The following PGBD5 variants were observed in gnomAD, a reference collection of about 807,000 sequenced individuals.
PGBD5 encodes the protein piggyBac transposable element derived 5.
PGBD5 carries 14 observed loss-of-function variants against 47.9 expected under a neutral mutation model. The observed-to-expected ratio is 0.29, with a 90% confidence interval of 0.19 to 0.46. PGBD5 has a LOEUF of 0.46. Ranked by LOEUF, PGBD5 falls within the 20% of genes least tolerant of loss-of-function variation. The pLI is 1.00. For missense variants in PGBD5, 635 were observed against 716.0 expected, an observed-to-expected ratio of 0.89 and a Z score of 1.29; for synonymous variants, 316 against 306.3, an observed-to-expected ratio of 1.03 and a Z score of -0.33.
In PGBD5 at chr1:230,401,596, C is replaced by T. The variant is rs563386976; in HGVS notation, c.331+24002G>A. On this transcript the variant is annotated intron_variant, in intron 1 of 6. Transcript: ENST00000391860. ...TCTTTTATGAAATTTTCACTCACCT[C>T]TGACTTCCAGTGGATTAAAGAAACA... Among the ~76,000 whole-genome samples the T allele has an allele frequency of 4.5e-4, 69 of 152,352 alleles. 1 individual carries two copies. The highest frequency in any genetic ancestry group is 1.6e-3 in the African/African-American group (65 of 41,600).
At chr1:230,371,403 G>C (rs1184923490) in intron 1 of PGBD5, among the ~76,000 whole-genome samples, 1 of 152,150 alleles carries the variant, frequency 6.6e-6, no homozygotes, top group Non-Finnish European at 1.5e-5. Context: ...GCCAGTGGAA[G>C]GCAACCAGCT....
intron 1 of PGBD5, among the ~76,000 whole-genome samples, chr1:230,383,891 T>C (rs1462361320): frequency 6.6e-6 from 1 of 151,848 alleles, no homozygotes; most frequent in Admixed American, 6.6e-5. Flanking sequence ...GCAGGGTGAG[T>C]AGAGGAGGAG....
chr1:230,369,319 G>A (rs866140), intron 1 of PGBD5, among the ~76,000 whole-genome samples: 2 of 152,090 alleles, frequency 1.3e-5, no homozygotes, highest in South Asian at 4.1e-4. Flanking sequence ...AATCCACGTG[G>A]AGCCACACCT....
intron 1 of PGBD5, among the ~76,000 whole-genome samples, chr1:230,370,450 A>C (rs1667912009): frequency 6.6e-6 from 1 of 152,190 alleles, no homozygotes; most frequent in Non-Finnish European, 1.5e-5. Context: ...ATGTGTATTT[A>C]TTTTGTAGAA....
intron 1 of PGBD5, among the ~76,000 whole-genome samples, chr1:230,368,432 G>C (rs2102715503): frequency 6.6e-6 from 1 of 152,372 alleles, no homozygotes; most frequent in South Asian, 2.1e-4. Flanking sequence ...GAATCCCTAG[G>C]GAGGGGTTAA....
At chr1:230,418,252 G>A (rs915431250) in intron 1 of PGBD5, among the ~76,000 whole-genome samples, 2 of 152,184 alleles carry the variant, frequency 1.3e-5, no homozygotes, top group Admixed American at 6.5e-5. Flanking sequence ...AACGTTTGTA[G>A]CAACTTTCGG....
rs573926278 is a variant in PGBD5 at position 230,425,553 on chromosome 1, G to A, written c.331+45C>T. 1,015 of 1,205,620 alleles carry A rather than the reference G, an allele frequency of 8.4e-4. 16 individuals are homozygous for A. Among genetic ancestry groups the A allele is most frequent in the Admixed American group, 4.8e-4 (11 of 23,040 alleles). The allele number at this position is 1,205,620 out of a possible 1,614,324, so 74.7% of individuals were successfully genotyped here. On this transcript the variant is annotated intron_variant, in intron 1 of 6. Coordinates refer to ENST00000391860, the MANE Select transcript of PGBD5 (RefSeq NM_001258311.2). The surrounding 1 kb of genome is among the most constrained non-coding windows in gnomAD (Gnocchi z 4.7). ...CAGCACCCACGCCTCCCCCGCGCCC[G>A]GTTCCAGCGCCGCCCCCGACATCCA...
In PGBD5 at chr1:230,354,957, T is replaced by C. The variant is rs760328597; in HGVS notation, c.759+1937A>G. Among the ~76,000 whole-genome samples, 6 of 152,184 alleles carry C rather than the reference T, an allele frequency of 3.9e-5. No homozygotes were observed. In the East Asian group the frequency reaches 1.2e-3, roughly 29 times the overall value. On this transcript the variant is annotated intron_variant, in intron 2 of 6. Transcript: ENST00000391860. The stretch of plus-strand genomic sequence containing the variant: ...GAGAGAGGAGGAAGAGGTGGAAAAG[T>C]GAAGGCAAAAGTAAAGGGGAAAAAG...
Position 230,368,572 on chromosome 1 carries a change from CA to C in PGBD5, c.332-11252del, listed in dbSNP as rs149421120. 3.8e-3 allele frequency among the ~76,000 whole-genome samples: 586 copies of C among 152,358 alleles called. 4 individuals are homozygous for C. Among genetic ancestry groups the C allele is most frequent in the African/African-American group, 0.014 (566 of 41,590 alleles). On this transcript the variant is annotated intron_variant, in intron 1 of 6. Coordinates refer to ENST00000391860, the MANE Select transcript of PGBD5 (RefSeq NM_001258311.2). ...GAATGAGTGGGGAAATGAAATGACG[CA>C]GGGGGATGATGACTCTTCAGGGCTT...
chr1:230,336,706 C>A (rs1213741012), intron 4 of PGBD5, among the ~76,000 whole-genome samples: 1 of 152,206 alleles, frequency 6.6e-6, no homozygotes, highest in Non-Finnish European at 1.5e-5. Flanking sequence ...TCACACAATT[C>A]TTGCCTGTCT....
rs74912404 is a variant in PGBD5 at position 230,331,902 on chromosome 1, G to A, written c.1273+942C>T. On this transcript the variant is annotated intron_variant, in intron 5 of 6. Transcript: ENST00000391860. ...GCCCATCTGCTGGGGTCCCTTGATC[G>A]CAATCTCCACTGAGGCGTGATGCAA... 7.0e-3 allele frequency among the ~76,000 whole-genome samples: 1,065 copies of A among 151,274 alleles called. 16 individuals carry two copies. Among genetic ancestry groups the A allele is most frequent in the African/African-American group, 0.025 (1,009 of 41,128 alleles).
At chr1:230,398,986 C>T (rs1657070242) in intron 1 of PGBD5, among the ~76,000 whole-genome samples, 2 of 152,054 alleles carry the variant, frequency 1.3e-5, no homozygotes, top group Non-Finnish European at 2.9e-5. Flanking sequence ...AGGAGCCCGG[C>T]AGAACCTTTT....
chr1:230,372,094 T>C (rs374000810), intron 1 of PGBD5, among the ~76,000 whole-genome samples: 2 of 152,206 alleles, frequency 1.3e-5, no homozygotes, highest in East Asian at 3.9e-4. Context: ...TTTTAGGCGA[T>C]GCCCCAAGAG....
intron 2 of PGBD5, among the ~76,000 whole-genome samples, chr1:230,354,391 C>A (rs751657077): frequency 6.6e-6 from 1 of 152,084 alleles, no homozygotes; most frequent in Admixed American, 6.6e-5. Flanking sequence ...ATAAATTACC[C>A]CACCCAGCTT....
In PGBD5 at chr1:230,315,788, ATATATG is replaced by A; in HGVS notation, c.*7631_*7636del. Reference sequence around the variant, plus strand: ...ATATTATAGATGTATGCATATATGTATATATGTATACATATATGTATATGTGCATAC... The same window carrying A: ...ATATTATAGATGTATGCATATATGTATATACATATATGTATATGTGCATAC... On this transcript the variant is annotated 3_prime_UTR_variant, in exon 7 of 7. Coordinates refer to ENST00000391860, the MANE Select transcript of PGBD5 (RefSeq NM_001258311.2). 1 of 146,636 alleles carries A rather than the reference ATATATG, an allele frequency of 6.8e-6. No individual in the cohort carries two copies. The highest frequency in any genetic ancestry group is 7.0e-5 in the Admixed American group (1 of 14,294). 9.1% of individuals were successfully genotyped at this position (146,636 alleles called of 1,614,324 possible).
intron 1 of PGBD5, among the ~76,000 whole-genome samples, chr1:230,360,157 T>G (rs1343582076): frequency 6.6e-6 from 1 of 152,238 alleles, no homozygotes; most frequent in Non-Finnish European, 1.5e-5. Context: ...CTTAAAGTTA[T>G]GTTTAAAGTA....
rs12746063 is a variant in PGBD5 at position 230,318,674 on chromosome 1, C to T, written c.*4751G>A. The T allele has an allele frequency of 0.44, 66,205 of 152,106 alleles. 15,799 individuals carry two copies. The highest frequency in any genetic ancestry group is 0.52 in the Non-Finnish European group (35,570 of 68,016). The allele number at this position is 152,106 out of a possible 1,614,324, so 9.4% of individuals were successfully genotyped here. A position where few individuals can be genotyped will look rare whatever the true frequency, so the allele number is the denominator to read the frequency against. ...AAAGCTGGCATGTGGGTGAAGACGGCGCCTCTGGCCTAGATCCCAGGGCAC... is the reference window on the plus strand; with the variant it reads ...AAAGCTGGCATGTGGGTGAAGACGGTGCCTCTGGCCTAGATCCCAGGGCAC... On this transcript the variant is annotated 3_prime_UTR_variant, in exon 7 of 7. Coordinates refer to ENST00000391860, the MANE Select transcript of PGBD5 (RefSeq NM_001258311.2).
chr1:230,364,399 T>G, intron 1 of PGBD5, among the ~76,000 whole-genome samples: 1 of 152,264 alleles, frequency 6.6e-6, no homozygotes, highest in Non-Finnish European at 1.5e-5. Context: ...AAATGGTATC[T>G]TCCAAGCAAG....
At chr1:230,395,435 C>A (rs1275527807) in intron 1 of PGBD5, among the ~76,000 whole-genome samples, 12 of 20,016 alleles carry the variant, frequency 6.0e-4, no homozygotes, top group South Asian at 7.1e-3. Context: ...TCCTCTCCTC[C>A]CACTCCTCCC....
Sources: allele counts gnomAD v4.1 joint callset (sites outside exome capture counted in the v4.1 genomes callset), GRCh38; gene constraint gnomAD v4.1.1; non-coding constraint Gnocchi (gnomAD v3.1); transcripts MANE v1.5; gene names NCBI Gene and HGNC (gene_info 2026-07-23, HGNC 2026-07-21).